The following MARK1 variants were observed in gnomAD, a reference collection of about 807,000 sequenced individuals.
MARK1 encodes the protein serine/threonine-protein kinase MARK1.
MARK1 carries 40 observed loss-of-function variants against 96.3 expected under a neutral mutation model. That is an observed-to-expected ratio of 0.42 (90% CI 0.32 to 0.54). MARK1 has a LOEUF of 0.54. Among genes scored for constraint, MARK1 ranks in the 20% least tolerant of loss-of-function variants. The pLI is 0.16. For missense variants in MARK1, 719 were observed against 984.6 expected (o/e 0.73, Z 3.61); for synonymous variants, 317 against 341.2 (o/e 0.93, Z 0.78).
chr1:220,601,937 T>A (rs543022356), intron 5 of MARK1, among the ~76,000 whole-genome samples: 1 of 152,290 alleles, frequency 6.6e-6, no homozygotes, highest in South Asian at 2.1e-4. Context: ...TGCGATAGGT[T>A]TTCTTTGAGT....
At chr1:220,607,316 C>G (rs921750205) in intron 6 of MARK1, among the ~76,000 whole-genome samples, 7 of 152,056 alleles carry the variant, frequency 4.6e-5, no homozygotes, top group Admixed American at 2.6e-4. Flanking sequence ...TGATTTGGCT[C>G]TCTGTTTGTC....
At chr1:220,626,703 T>C in intron 9 of MARK1, 1 of 338,024 alleles carries the variant, frequency 3.0e-6, no homozygotes, top group Non-Finnish European at 5.8e-6. Flanking sequence ...ACTTCTGTAA[T>C]CCCAGCTATT....
At chr1:220,529,239 T>A (rs573485528) in intron 1 of MARK1, among the ~76,000 whole-genome samples, 2 of 152,294 alleles carry the variant, frequency 1.3e-5, no homozygotes, top group Non-Finnish European at 2.9e-5. Flanking sequence ...GAATGCTTGC[T>A]TTACAATAGC....
chr1:220,602,241 A>G (rs571428031), intron 5 of MARK1, among the ~76,000 whole-genome samples: 2 of 152,120 alleles, frequency 1.3e-5, no homozygotes, highest in South Asian at 2.1e-4. Context: ...TCTTTTTTTT[A>G]TTTTGAACCA....
chr1:220,582,042 A>T (rs1224510875), intron 3 of MARK1, among the ~76,000 whole-genome samples: 1 of 152,180 alleles, frequency 6.6e-6, no homozygotes. Flanking sequence ...CTTATAAGAA[A>T]TTGTTAGTAT....
chr1:220,597,412 T>C (rs559069038), intron 3 of MARK1, among the ~76,000 whole-genome samples: 1 of 152,282 alleles, frequency 6.6e-6, no homozygotes, highest in East Asian at 1.9e-4. Context: ...GGGGTTGTTT[T>C]TTGATAGCAG....
intron 13 of MARK1, among the ~76,000 whole-genome samples, chr1:220,642,771 A>C (rs1668354861): frequency 6.6e-6 from 1 of 152,184 alleles, no homozygotes; most frequent in Non-Finnish European, 1.5e-5. Flanking sequence ...CAGAGGAAAG[A>C]GCAGACAGCA....
At chr1:220,529,066 C>T (rs894616787) in intron 1 of MARK1, among the ~76,000 whole-genome samples, 193 bp downstream of exon 1, 2 of 152,230 alleles carry the variant, frequency 1.3e-5, no homozygotes, top group African/African-American at 4.8e-5. Flanking sequence ...CTTGTTTCCC[C>T]TCAAGGGTGA....
intron 1 of MARK1, among the ~76,000 whole-genome samples, chr1:220,572,782 C>A (rs1663562407): frequency 6.6e-6 from 1 of 152,042 alleles, no homozygotes. Flanking sequence ...TATATAGATT[C>A]ATTTTACCCT....
chr1:220,624,972 A>G (rs1387624275), intron 9 of MARK1, among the ~76,000 whole-genome samples: 1 of 152,070 alleles, frequency 6.6e-6, no homozygotes, highest in African/African-American at 2.4e-5. Context: ...TCTTTCTTCC[A>G]TTTCTTCATG....
intron 13 of MARK1, among the ~76,000 whole-genome samples, chr1:220,636,916 A>AT (rs1447606707): frequency 6.6e-6 from 1 of 152,002 alleles, no homozygotes; most frequent in Non-Finnish European, 1.5e-5. Context: ...AAAAAAAAAA[A>AT]AGGAACAAGA....
At chr1:220,572,459 T>C (rs1209719109) in intron 1 of MARK1, among the ~76,000 whole-genome samples, 4 of 152,194 alleles carry the variant, frequency 2.6e-5, no homozygotes, top group African/African-American at 9.7e-5. Context: ...GTCAGGCTGG[T>C]CTTGAACTCC....
intron 11 of MARK1, among the ~76,000 whole-genome samples, 170 bp from the exon 12 acceptor site, chr1:220,635,205 CT>C (rs1667884417): frequency 6.6e-6 from 1 of 151,978 alleles, no homozygotes; most frequent in Non-Finnish European, 1.5e-5. Context: ...CAGTTCACCC[CT>C]TTTCCTGCTT....
intron 3 of MARK1, among the ~76,000 whole-genome samples, chr1:220,585,604 G>A (rs528851251): frequency 1.3e-5 from 2 of 152,242 alleles, no homozygotes; most frequent in East Asian, 3.9e-4. Context: ...ATCTTCCAGA[G>A]CAAGCATATC....
intron 6 of MARK1, among the ~76,000 whole-genome samples, chr1:220,612,887 A>C (rs1666529881): frequency 6.6e-6 from 1 of 152,194 alleles, no homozygotes; most frequent in Non-Finnish European, 1.5e-5. Flanking sequence ...TTGCCCATAC[A>C]ATGCTTTTAC....
rs931017574 is a variant in MARK1 at position 220,657,805 on chromosome 1, C to T, written c.2004C>T (p.Gly668=). ...SKFVRRDPSE[G]EASGRTDTSR... ...TTGTTTTGAGGGATCCAAGTGAAGG[C>T]GAAGCCAGTGGCAGAACCGACACCT... Residue 668 remains glycine, a synonymous_variant, in exon 17 of 18, where the codon GGC becomes GGT. Coordinates refer to ENST00000366917, the MANE Select transcript of MARK1 (RefSeq NM_018650.5). 10 of 1,575,248 alleles carry T rather than the reference C, an allele frequency of 6.3e-6. No individual in the cohort carries two copies. Among genetic ancestry groups the T allele is most frequent in the South Asian group, 3.6e-5 (3 of 82,748 alleles).
chr1:220,620,722 T>C (rs952094806), intron 9 of MARK1, among the ~76,000 whole-genome samples: 2 of 152,138 alleles, frequency 1.3e-5, no homozygotes, highest in Non-Finnish European at 2.9e-5. Context: ...CATCAGAAGC[T>C]CATTCTAATA....
At chr1:220,661,596 G>C (rs1271813610) in intron 17 of MARK1, among the ~76,000 whole-genome samples, 1 of 152,136 alleles carries the variant, frequency 6.6e-6, no homozygotes, top group Non-Finnish European at 1.5e-5. Context: ...TGCTATTTTA[G>C]ATTGACAATA....
intron 1 of MARK1, among the ~76,000 whole-genome samples, chr1:220,562,285 C>T (rs1266135966): frequency 2.0e-5 from 3 of 151,740 alleles, no homozygotes; most frequent in African/African-American, 4.8e-5. Flanking sequence ...GCCAACGTGG[C>T]GAAACCCCAT....
Sources: gnomAD v4.1 joint callset for allele counts (sites outside exome capture counted in the v4.1 genomes callset) on GRCh38, gnomAD v4.1.1 for gene constraint, MANE v1.5 for transcripts, NCBI Gene and HGNC (gene_info 2026-07-23, HGNC 2026-07-21) for gene names.